The following PRKN variants were observed in gnomAD, a reference collection of about 807,000 sequenced individuals.
The protein encoded by PRKN is parkin RBR E3 ubiquitin protein ligase.
Under a neutral mutation model 59.5 loss-of-function variants are expected in PRKN, and 56 were observed. That is an observed-to-expected ratio of 0.94 (90% CI 0.76 to 1.18). The LOEUF is 1.18. Among genes scored for constraint, PRKN ranks in the 50% most tolerant of loss-of-function variants. The pLI is 0.00. For missense variants in PRKN, 657 were observed against 596.4 expected, an observed-to-expected ratio of 1.10 and a Z score of -1.06; for synonymous variants, 250 against 222.1, an observed-to-expected ratio of 1.13 and a Z score of -1.12.
At chr6:162,042,688 C>CTATTAATTATTTAAT (rs1426010657) in intron 5 of PRKN, among the ~76,000 whole-genome samples, 2 of 152,152 alleles carry the variant, frequency 1.3e-5, no homozygotes, top group Non-Finnish European at 2.9e-5. Context: ...ATAATTAATA[C>CTATTAATTATTTAAT]TACTCACTAT....
chr6:161,712,249 A>C (rs184496133), intron 7 of PRKN, among the ~76,000 whole-genome samples: 1 of 152,204 alleles, frequency 6.6e-6, no homozygotes, highest in Non-Finnish European at 1.5e-5. Context: ...TAATGGAGTC[A>C]CTACTGACAC....
chr6:162,296,511 G>T (rs990596355), intron 2 of PRKN, among the ~76,000 whole-genome samples: 1 of 151,936 alleles, frequency 6.6e-6, no homozygotes, highest in African/African-American at 2.4e-5. Flanking sequence ...TCCCACTCTG[G>T]ACCCTAAGTA....
At chr6:162,092,851 T>C (rs1256362902) in intron 4 of PRKN, among the ~76,000 whole-genome samples, 1 of 152,196 alleles carries the variant, frequency 6.6e-6, no homozygotes, top group East Asian at 1.9e-4. Flanking sequence ...TGGAGACATA[T>C]TATGATGGAG....
intron 6 of PRKN, among the ~76,000 whole-genome samples, chr6:161,945,896 T>C (rs1489333331): frequency 1.3e-5 from 2 of 152,228 alleles, no homozygotes; most frequent in African/African-American, 4.8e-5. Flanking sequence ...ACTATTTTTA[T>C]ATCTCCCACT....
chr6:161,368,448 A>C (rs1785312472), intron 10 of PRKN, among the ~76,000 whole-genome samples: 1 of 145,754 alleles, frequency 6.9e-6, no homozygotes, highest in South Asian at 2.2e-4. Context: ...CCAGCTACTC[A>C]GGAGGTTGAG....
chr6:161,434,952 C>T (rs140649145), intron 9 of PRKN, among the ~76,000 whole-genome samples: 59 of 152,260 alleles, frequency 3.9e-4, no homozygotes, highest in African/African-American at 1.4e-3. Flanking sequence ...TAAAGAGTTC[C>T]TGGGAAGAAG....
At chr6:162,599,499 TAACAAC>T (rs71927433) in intron 1 of PRKN, among the ~76,000 whole-genome samples, 145 of 151,462 alleles carry the variant, frequency 9.6e-4, no homozygotes, top group African/African-American at 3.3e-3. Context: ...ACAGAAAAAA[TAACAAC>T]AACAACAACA....
intron 6 of PRKN, among the ~76,000 whole-genome samples, chr6:161,806,559 C>T (rs1050303431): frequency 2.0e-5 from 3 of 152,146 alleles, no homozygotes; most frequent in South Asian, 4.1e-4. Context: ...CCAGGTCATC[C>T]CTCGAGGAGG....
At chr6:162,620,620 A>G (rs1000577819) in intron 1 of PRKN, among the ~76,000 whole-genome samples, 1 of 152,108 alleles carries the variant, frequency 6.6e-6, no homozygotes, top group Non-Finnish European at 1.5e-5. Flanking sequence ...ATTTAGTTTC[A>G]GTTTTCCCTT....
In PRKN at chr6:161,675,481, G is replaced by A. The variant is rs192219534; in HGVS notation, c.872-106065C>T. Among the ~76,000 whole-genome samples, 229 of 152,274 alleles carry A rather than the reference G, an allele frequency of 1.5e-3. 1 individual carries two copies. The highest frequency in any genetic ancestry group is 5.2e-3 in the African/African-American group (215 of 41,550). On this transcript the variant is annotated intron_variant, in intron 7 of 11. Coordinates refer to ENST00000366898, the MANE Select transcript of PRKN (RefSeq NM_004562.3). ...GGATAATCACCTGTGTTATGAAACA[G>A]GCAATTTAATAACTCTGTCTGATAA...
rs1056115186 is a variant in PRKN, at chr6:161,348,069, C to T, written c.*2030G>A. ...GGGAGCAAACCTTGTTCAGGCACCG[C>T]AAGCCCAACGCAGCATGCAGATTGG... On this transcript the variant is annotated 3_prime_UTR_variant, in exon 12 of 12. Coordinates refer to ENST00000366898, the MANE Select transcript of PRKN (RefSeq NM_004562.3). This position sits in a 1 kb window ranked among gnomAD's most constrained non-coding sequence, Gnocchi z 4.9. The T allele has an allele frequency of 1.1e-5, 2 of 186,010 alleles. No homozygotes were observed. The highest frequency in any genetic ancestry group is 2.3e-5 in the Non-Finnish European group (2 of 88,132). The allele number at this position is 186,010 out of a possible 1,614,324, so 11.5% of individuals were successfully genotyped here. A position where few individuals can be genotyped will look rare whatever the true frequency, so the allele number is the denominator to read the frequency against.
At chr6:162,498,431 TCCTTTTTC>T (rs1793189493) in intron 1 of PRKN, among the ~76,000 whole-genome samples, 3 of 91,032 alleles carry the variant, frequency 3.3e-5, no homozygotes, top group African/African-American at 4.1e-5. Context: ...GGAGTTTCTT[TCCTTTTTC>T]TTTTTTTTTT....
At chr6:162,458,449 T>TTTC (rs1157864983) in intron 1 of PRKN, among the ~76,000 whole-genome samples, 2 of 151,212 alleles carry the variant, frequency 1.3e-5, no homozygotes, top group African/African-American at 4.9e-5. Flanking sequence ...AAAAAATTTT[T>TTTC]TTTAAATTAA....
chr6:161,507,358 C>T (rs1465935267), intron 9 of PRKN, among the ~76,000 whole-genome samples: 1 of 152,128 alleles, frequency 6.6e-6, no homozygotes, highest in Non-Finnish European at 1.5e-5. Flanking sequence ...GATCCATTTC[C>T]TATCAAGTGA....
intron 7 of PRKN, among the ~76,000 whole-genome samples, chr6:161,586,973 T>C (rs1055504863): frequency 6.6e-6 from 1 of 152,182 alleles, no homozygotes; most frequent in Non-Finnish European, 1.5e-5. Context: ...GTGATTTAAA[T>C]TTATAGGTGG....
At chr6:162,110,661 G>A (rs1395948355) in intron 4 of PRKN, among the ~76,000 whole-genome samples, 3 of 152,114 alleles carry the variant, frequency 2.0e-5, no homozygotes, top group Non-Finnish European at 1.5e-5. Context: ...CCCACATCTT[G>A]TCTACTAATT....
intron 2 of PRKN, among the ~76,000 whole-genome samples, chr6:162,434,076 T>G (rs1257657418): frequency 6.6e-6 from 1 of 152,118 alleles, no homozygotes; most frequent in African/African-American, 2.4e-5. Flanking sequence ...TAAAATTCAA[T>G]GACAGAATAA....
At chr6:162,696,911 C>T (rs1314681806) in intron 1 of PRKN, among the ~76,000 whole-genome samples, 2 of 152,144 alleles carry the variant, frequency 1.3e-5, no homozygotes, top group African/African-American at 2.4e-5. Flanking sequence ...TCCATAAATA[C>T]ATCAGCATGT....
At chr6:162,493,093 T>A (rs1038478021) in intron 1 of PRKN, among the ~76,000 whole-genome samples, 1 of 152,194 alleles carries the variant, frequency 6.6e-6, no homozygotes, top group Non-Finnish European at 1.5e-5. Context: ...AGTTTTTTGT[T>A]TTATACCAGC....
Sources: gnomAD v4.1 joint callset for allele counts (sites outside exome capture counted in the v4.1 genomes callset) on GRCh38, gnomAD v4.1.1 for gene constraint, Gnocchi (gnomAD v3.1) non-coding constraint, MANE v1.5 for transcripts, NCBI Gene and HGNC (gene_info 2026-07-23, HGNC 2026-07-21) for gene names.